The following SCAI variants were observed in gnomAD, a reference collection of about 807,000 sequenced individuals.
The protein encoded by SCAI is protein SCAI.
SCAI carries 24 observed loss-of-function variants against 92.2 expected under a neutral mutation model. The ratio of observed to expected loss-of-function variants is 0.26; its 90% CI spans 0.19 to 0.37. The LOEUF (loss-of-function observed/expected upper bound fraction) is 0.37, where lower values mean the gene tolerates loss of function less well. Among genes scored for constraint, SCAI ranks in the 10% least tolerant of loss-of-function variants. SCAI has a pLI of 1.00. For missense variants in SCAI, 450 were observed against 736.2 expected (o/e 0.61, Z 4.50); for synonymous variants, 261 against 258.6 (o/e 1.01, Z -0.09).
At chr9:124,990,053 A>G (rs1832086688) in intron 14 of SCAI, among the ~76,000 whole-genome samples, 1 of 151,504 alleles carries the variant, frequency 6.6e-6, no homozygotes, top group South Asian at 2.1e-4. Flanking sequence ...GTGCACCTGT[A>G]ATCCGAGCTA....
intron 3 of SCAI, among the ~76,000 whole-genome samples, chr9:125,048,460 TAAC>T (rs1833492064): frequency 6.6e-6 from 1 of 151,968 alleles, no homozygotes. Flanking sequence ...TTTATTTCAA[TAAC>T]AATAAACTTG....
chr9:125,091,603 C>T lies in SCAI; in HGVS notation c.99-35596G>A, dbSNP rs1330453066. Reference sequence around the variant, plus strand: ...CTACTCCATGCTTGCACCTGGGCTACTAAATAGGGCTGAAGAAATACACAT... The same window carrying T: ...CTACTCCATGCTTGCACCTGGGCTATTAAATAGGGCTGAAGAAATACACAT... On this transcript the variant is annotated intron_variant, in intron 2 of 17. Coordinates refer to ENST00000336505, the MANE Select transcript of SCAI (RefSeq NM_001144877.3). This position sits in a 1 kb window ranked among gnomAD's most constrained non-coding sequence, Gnocchi z 4.3. 6.6e-6 allele frequency among the ~76,000 whole-genome samples: 1 copy of T among 152,188 alleles called. No individual in the cohort carries two copies. Among genetic ancestry groups the T allele is most frequent in the Non-Finnish European group, 1.5e-5 (1 of 68,040 alleles).
At chr9:125,097,632 C>T (rs1317571925) in intron 2 of SCAI, among the ~76,000 whole-genome samples, 2 of 151,366 alleles carry the variant, frequency 1.3e-5, no homozygotes, top group African/African-American at 4.8e-5. Context: ...GATAGTCTTA[C>T]AGTTTTGTGA....
chr9:124,971,958 AATC>A (rs1247358730), intron 15 of SCAI, 114 bp from the exon 16 acceptor site: 1 of 544,216 alleles, frequency 1.8e-6, no homozygotes, highest in Non-Finnish European at 2.9e-6. Flanking sequence ...TATCTCATTA[AATC>A]ATAATTCATC....
intron 6 of SCAI, among the ~76,000 whole-genome samples, chr9:125,022,533 T>C (rs1832889058): frequency 6.6e-6 from 1 of 152,224 alleles, no homozygotes; most frequent in African/African-American, 2.4e-5. Context: ...CACCTCAGCT[T>C]CCTGAGTAAC....
At chr9:125,011,664 T>C (rs985892374) in intron 9 of SCAI, among the ~76,000 whole-genome samples, 8 of 152,124 alleles carry the variant, frequency 5.3e-5, no homozygotes, top group African/African-American at 9.7e-5. Context: ...AACATTCAGA[T>C]TCAGGAAATA....
At chr9:125,015,302 C>G (rs1309771382) in intron 9 of SCAI, among the ~76,000 whole-genome samples, 1 of 152,126 alleles carries the variant, frequency 6.6e-6, no homozygotes, top group Admixed American at 6.6e-5. Flanking sequence ...GGGCTAATAT[C>G]CAGAATCTAC....
intron 2 of SCAI, among the ~76,000 whole-genome samples, chr9:125,126,824 A>G (rs543943959): frequency 2.6e-5 from 4 of 152,372 alleles, no homozygotes; most frequent in South Asian, 4.1e-4. Flanking sequence ...TGATGAAAAT[A>G]TAAGTAGCCA....
chr9:125,028,609 G>T, intron 4 of SCAI, 131 bp from the exon 5 acceptor site: 1 of 454,492 alleles, frequency 2.2e-6, no homozygotes, highest in Non-Finnish European at 3.8e-6. Context: ...AGATTTCAAT[G>T]TAGTCATTCC....
chr9:125,093,815 C>T (rs1401008715), intron 2 of SCAI, among the ~76,000 whole-genome samples: 2 of 152,034 alleles, frequency 1.3e-5, no homozygotes, highest in Non-Finnish European at 2.9e-5. Context: ...CTGCCCTCCT[C>T]GGCCTCCCAA....
At position 124,945,122 on chromosome 9, in the gene SCAI, G is replaced by C. The variant is rs1241702177; in HGVS notation, c.*7685C>G. ...ATAGGAAATTGATACCCAATTTATA[G>C]TCTATGATGAAATTTAGGCTTGAAT... On this transcript the variant is annotated 3_prime_UTR_variant, in exon 18 of 18. Transcript: ENST00000336505. The C allele has an allele frequency of 6.6e-6, 1 of 152,048 alleles. No homozygotes were observed. Among genetic ancestry groups the C allele is most frequent in the African/African-American group, 2.4e-5 (1 of 41,382 alleles). The allele number at this position is 152,048 out of a possible 1,614,324, so 9.4% of individuals were successfully genotyped here. A position where few individuals can be genotyped will look rare whatever the true frequency, so the allele number is the denominator to read the frequency against.
chr9:125,081,705 T>C (rs552117136), intron 2 of SCAI, among the ~76,000 whole-genome samples: 70 of 152,268 alleles, frequency 4.6e-4, no homozygotes, highest in African/African-American at 1.7e-3. Flanking sequence ...CCTGAGTAGC[T>C]GGGACCACAG....
At chr9:125,074,840 A>G (rs1260561315) in intron 2 of SCAI, among the ~76,000 whole-genome samples, 1 of 151,856 alleles carries the variant, frequency 6.6e-6, no homozygotes, top group Non-Finnish European at 1.5e-5. Flanking sequence ...CCCCGTTCCT[A>G]CTAAAAATAC....
intron 2 of SCAI, chr9:125,066,098 C>T: frequency 1.4e-6 from 1 of 708,982 alleles, no homozygotes. Flanking sequence ...AAGATATAAG[C>T]TGTTATTATT....
At chr9:125,132,624 T>C (rs1030049004) in intron 2 of SCAI, among the ~76,000 whole-genome samples, 1 of 152,202 alleles carries the variant, frequency 6.6e-6, no homozygotes, top group East Asian at 1.9e-4. Context: ...AATAAACTCA[T>C]GTTCTTACCG....
intron 2 of SCAI, among the ~76,000 whole-genome samples, chr9:125,073,190 C>G (rs1331728305): frequency 1.4e-5 from 2 of 142,496 alleles, no homozygotes; most frequent in Non-Finnish European, 3.0e-5. Context: ...CTGCAAGCTC[C>G]GCCTCCCGGG....
chr9:125,101,280 A>G (rs1309989113), intron 2 of SCAI, among the ~76,000 whole-genome samples: 1 of 152,208 alleles, frequency 6.6e-6, no homozygotes, highest in South Asian at 2.1e-4. Context: ...AAAGGATCTC[A>G]CTGGCTACTG....
At chr9:125,095,543 C>A (rs867370405) in intron 2 of SCAI, among the ~76,000 whole-genome samples, 1 of 152,244 alleles carries the variant, frequency 6.6e-6, no homozygotes, top group African/African-American at 2.4e-5. Context: ...AACAGAGTCT[C>A]CTATTTTTAA....
chr9:125,059,963 A>C (rs1291089652), intron 2 of SCAI, among the ~76,000 whole-genome samples: 2 of 152,260 alleles, frequency 1.3e-5, no homozygotes, highest in African/African-American at 4.8e-5. Context: ...AGTTGAAGAC[A>C]GCATTCAAAC....
Sources: gnomAD v4.1 joint callset for allele counts (sites outside exome capture counted in the v4.1 genomes callset) on GRCh38, gnomAD v4.1.1 for gene constraint, Gnocchi (gnomAD v3.1) non-coding constraint, MANE v1.5 for transcripts, NCBI Gene and HGNC (gene_info 2026-07-23, HGNC 2026-07-21) for gene names.